Variants in KRT75 observed in about 807,000 individuals in gnomAD.
KRT75 encodes the protein keratin 75, also known as keratin, type II cytoskeletal 75.
KRT75 carries 35 observed loss-of-function variants against 48.8 expected under a neutral mutation model. The ratio of observed to expected loss-of-function variants is 0.72; its 90% CI spans 0.55 to 0.95. The LOEUF (loss-of-function observed/expected upper bound fraction) is 0.95. Among genes scored for constraint, KRT75 ranks in the 40% least tolerant of loss-of-function variants. The pLI, the probability that KRT75 is intolerant of heterozygous loss-of-function variation, is 0.00. For synonymous variants in KRT75, 301 were observed against 282.3 expected, an observed-to-expected ratio of 1.07 and a Z score of -0.66; for missense variants, 776 against 709.9, an observed-to-expected ratio of 1.09 and a Z score of -1.06.
intron 4 of KRT75, among the ~76,000 whole-genome samples, chr12:52,431,283 G>C (rs1405934668): frequency 6.6e-6 from 1 of 152,060 alleles, no homozygotes; most frequent in Non-Finnish European, 1.5e-5. Flanking sequence ...CTAGAATTTG[G>C]GAATCAGTAC....
Position 52,428,479 on chromosome 12 carries a change from G to C in KRT75, c.1162-3C>G. On this transcript the variant is annotated splice_region_variant and splice_polypyrimidine_tract_variant and intron_variant, in intron 6 of 8. Coordinates refer to ENST00000252245, the MANE Select transcript of KRT75 (RefSeq NM_004693.3). ...ATGGCCGTTTGCAAGCTGGAACACT[G>C]TAAGGACAGGAGGAAGCCATGAGTC... 1 of 1,613,016 alleles carries C rather than the reference G, an allele frequency of 6.2e-7. No homozygotes were observed. The highest frequency in any genetic ancestry group is 8.5e-7 in the Non-Finnish European group (1 of 1,179,452).
rs1446544154 is a variant in KRT75 at position 52,428,569 on chromosome 12, C to T, written c.1161+49G>A. 5 of 1,613,978 alleles carry T rather than the reference C, an allele frequency of 3.1e-6. No homozygotes were observed. The South Asian group carries it at 5.5e-5, about 18-fold the overall frequency. On this transcript the variant is annotated intron_variant, in intron 6 of 8. Coordinates refer to ENST00000252245, the MANE Select transcript of KRT75 (RefSeq NM_004693.3). The stretch of plus-strand genomic sequence containing the variant: ...GAGTTCTTAAAGATGGCAGAAAGGC[C>T]CAGAAGAAATGAGCATTTGAGGAGC...
intron 2 of KRT75, 114 bp from the exon 3 acceptor site, chr12:52,432,180 TG>T: frequency 1.0e-6 from 1 of 975,142 alleles, no homozygotes. Flanking sequence ...TCTGCTGACC[TG>T]GGCATGACTT....
intron 5 of KRT75, among the ~76,000 whole-genome samples, chr12:52,430,012 C>T (rs1470868589): frequency 6.6e-6 from 1 of 152,190 alleles, no homozygotes; most frequent in African/African-American, 2.4e-5. Flanking sequence ...CCTCTCCCCA[C>T]TCCTCAGCAA....
chr12:52,433,250 C>T lies in KRT75; in HGVS notation c.501G>A (p.Val167=). The T allele has an allele frequency of 1.2e-6, 2 of 1,613,328 alleles. No homozygotes were observed. The highest frequency in any genetic ancestry group is 8.5e-7 in the Non-Finnish European group (1 of 1,179,392). ...CCTTGTTCTGCTGCTCCAAGAACCT[C>T]ACCTGGAGGGAAGAAGAGAGAATGA... ...NNKFASFIDK[V]RFLEQQNKVL... The change falls in exon 2 of 9, where the codon GTG becomes GTA. Residue 167 remains valine, a splice_region_variant and synonymous_variant. Transcript: ENST00000252245.
chr12:52,434,113 G>C lies in KRT75; in HGVS notation c.192C>G (p.Asn64Lys), dbSNP rs779492967. The C allele has an allele frequency of 1.2e-6, 2 of 1,614,048 alleles. No homozygotes were observed. Among genetic ancestry groups the C allele is most frequent in the African/African-American group, 1.3e-5 (1 of 74,922 alleles). ...TGGAGACCCGCTTGGCACCCCCCAG[G>C]TTGTAGAGGCTGCGGCTTCCAAAGC... ...GASFGSRSLY[N>K]LGGAKRVSIN... Residue 64 changes from asparagine (N) to lysine (K), a missense_variant, in exon 1 of 9, where the codon AAC (asparagine) becomes AAG (lysine). By Grantham distance (94) the Asn-to-Lys change is moderately conservative. Transcript: ENST00000252245.
intron 7 of KRT75, among the ~76,000 whole-genome samples, chr12:52,427,251 A>G (rs1940086271): frequency 6.6e-6 from 1 of 152,248 alleles, no homozygotes; most frequent in Admixed American, 6.5e-5. Flanking sequence ...TATTGTATAT[A>G]GGTGTGGAGA....
intron 8 of KRT75, among the ~76,000 whole-genome samples, chr12:52,426,347 A>G (rs1489694557): frequency 6.6e-6 from 1 of 152,182 alleles, no homozygotes; most frequent in Non-Finnish European, 1.5e-5. Context: ...CAAGCAGTGG[A>G]GCTTCTTCTC....
intron 2 of KRT75, among the ~76,000 whole-genome samples, chr12:52,432,668 C>T (rs535591837): frequency 1.6e-4 from 25 of 152,324 alleles, no homozygotes; most frequent in African/African-American, 4.8e-4. Context: ...TACCTCTCTT[C>T]ACTCTACAGT....
chr12:52,434,318 G>A lies in KRT75; in HGVS notation c.-14C>T, dbSNP rs1303314965. ...CTGCCGAGACATGGTGGGTGAGGAAGGCCGGCGAGAAGGCACCTGAGGTGG... is the reference window on the plus strand; with the variant it reads ...CTGCCGAGACATGGTGGGTGAGGAAAGCCGGCGAGAAGGCACCTGAGGTGG... On this transcript the variant is annotated 5_prime_UTR_variant, in exon 1 of 9. Coordinates refer to ENST00000252245, the MANE Select transcript of KRT75 (RefSeq NM_004693.3). The A allele has an allele frequency of 6.3e-7, 1 of 1,582,618 alleles. No individual in the cohort carries two copies. Among genetic ancestry groups the A allele is most frequent in the Non-Finnish European group, 8.5e-7 (1 of 1,171,694 alleles).
At position 52,430,644 on chromosome 12, in the gene KRT75, T is replaced by C; in HGVS notation, c.932A>G (p.Asn311Ser). The C allele has an allele frequency of 1.9e-6, 3 of 1,614,142 alleles. No homozygotes were observed. The highest frequency in any genetic ancestry group is 2.5e-6 in the Non-Finnish European group (3 of 1,180,024). ...GATACTATCCAGGTCCAGGTTGCGG[T>C]TGTTGTCCATGGACAGCACCACGGA... ...DTSVVLSMDNNRNLDLDSIIA... is the reference protein window; with the variant it reads ...DTSVVLSMDNSRNLDLDSIIA... Residue 311 changes from asparagine to serine, a missense_variant, in exon 5 of 9, where the codon AAC becomes AGC. Coordinates refer to ENST00000252245, the MANE Select transcript of KRT75 (RefSeq NM_004693.3).
intron 8 of KRT75, among the ~76,000 whole-genome samples, 165 bp downstream of exon 8, chr12:52,426,652 T>A (rs890449021): frequency 1.3e-5 from 2 of 152,206 alleles, no homozygotes; most frequent in Admixed American, 6.5e-5. Context: ...ACTCCTAATA[T>A]GGCTTGCTTT....
chr12:52,432,920 G>C, intron 2 of KRT75, 118 bp downstream of exon 2: 2 of 962,552 alleles, frequency 2.1e-6, no homozygotes, highest in South Asian at 2.7e-5. Context: ...GCAGGATAAA[G>C]GCTGCAGTTC....
chr12:52,431,981 C>T (rs745530583), intron 3 of KRT75, 25 bp downstream of exon 3: 1 of 1,612,688 alleles, frequency 6.2e-7, no homozygotes, highest in Non-Finnish European at 8.5e-7. Context: ...AAACCTTCTC[C>T]TTTGAGAGAA....
Position 52,424,413 on chromosome 12 carries a change from G to T in KRT75, c.*104C>A. 2 of 1,082,754 alleles carry T rather than the reference G, an allele frequency of 1.8e-6. No homozygotes were observed. Among genetic ancestry groups the T allele is most frequent in the Non-Finnish European group, 2.9e-6 (2 of 696,866 alleles). 67.1% of individuals were successfully genotyped at this position (1,082,754 alleles called of 1,614,324 possible). A position where few individuals can be genotyped will look rare whatever the true frequency, so the allele number is the denominator to read the frequency against. On this transcript the variant is annotated 3_prime_UTR_variant, in exon 9 of 9. Transcript: ENST00000252245. ...TAGCCAGTACTCCAGGCTCCCAGCA[G>T]CACAGGTGCACCTTACAAGGAGAGA...
chr12:52,432,067 C>T lies in KRT75; in HGVS notation c.714-1G>A, dbSNP rs547369969. 6.2e-7 allele frequency: 1 copy of T among 1,614,122 alleles called. No individual in the cohort carries two copies. The highest frequency in any genetic ancestry group is 2.2e-5 in the East Asian group (1 of 44,880). ...GCGCTTGTTAATTTCATCTTCGTAC[C>T]TATAAGGACAGAGCGGGGGGTGTGC... On this transcript the variant is annotated splice_acceptor_variant, in intron 2 of 8. Transcript: ENST00000252245. LOFTEE classifies it high-confidence loss of function.
At position 52,430,620 on chromosome 12, in the gene KRT75, A is replaced by T. The variant is rs143063572; in HGVS notation, c.956T>A (p.Ile319Asn). The T allele has an allele frequency of 5.8e-4, 929 of 1,614,140 alleles. 8 individuals are homozygous for T. The African/African-American group carries it at 9.9e-3, about 17-fold the overall frequency. The change falls in exon 5 of 9, where the codon ATC (isoleucine) becomes AAC (asparagine). Residue 319 changes from isoleucine to asparagine, a missense_variant. Ile to Asn is a moderately radical substitution (Grantham distance 149). Transcript: ENST00000252245. ...DNNRNLDLDS[I>N]IAEVKAQYED... ...GTATTGTGCTTTGACCTCGGCGATG[A>T]TACTATCCAGGTCCAGGTTGCGGTT...
At position 52,430,601 on chromosome 12, in the gene KRT75, T is replaced by C; in HGVS notation, c.975A>G (p.Ala325=). Residue 325 remains alanine, a synonymous_variant, in exon 5 of 9, where the codon GCA becomes GCG. Transcript: ENST00000252245. ...TGCGGTTGGCAATGTCCTCGTATTG[T>C]GCTTTGACCTCGGCGATGATACTAT... ...DLDSIIAEVK[A]QYEDIANRSR... is the part of the protein sequence containing the mutation. 5 of 1,614,198 alleles carry C rather than the reference T, an allele frequency of 3.1e-6. No homozygotes were observed. Among genetic ancestry groups the C allele is most frequent in the Non-Finnish European group, 4.2e-6 (5 of 1,180,038 alleles).
In KRT75 at chr12:52,428,438, C is replaced by CTGCTCTGCA; in HGVS notation, c.1191_1199dup (p.Glu399_Gln400insHisAlaGlu). On this transcript the variant is annotated inframe_insertion, in exon 7 of 9. Coordinates refer to ENST00000252245, the MANE Select transcript of KRT75 (RefSeq NM_004693.3). Reference sequence around the variant, plus strand: ...CATCCTTGAGAGCCAGTTCTCCCCGCTGCTCTGCATCAGCAATGGCCGTTT... The same window carrying CTGCTCTGCA: ...CATCCTTGAGAGCCAGTTCTCCCCGCTGCTCTGCATGCTCTGCATCAGCAATGGCCGTTT... The CTGCTCTGCA allele has an allele frequency of 1.9e-6, 3 of 1,614,120 alleles. No homozygotes were observed. Among genetic ancestry groups the CTGCTCTGCA allele is most frequent in the Non-Finnish European group, 2.5e-6 (3 of 1,180,000 alleles).
Sources: gnomAD v4.1 joint callset for allele counts (sites outside exome capture counted in the v4.1 genomes callset) on GRCh38, gnomAD v4.1.1 for gene constraint, MANE v1.5 for transcripts, NCBI Gene and HGNC (gene_info 2026-07-23, HGNC 2026-07-21) for gene names.